The following C12orf42 variants were observed in gnomAD, a reference collection of about 807,000 sequenced individuals.
The protein encoded by C12orf42 is chromosome 12 open reading frame 42.
C12orf42 carries 25 observed loss-of-function variants against 21.6 expected under a neutral mutation model. That is an observed-to-expected ratio of 1.16 (90% CI 0.84 to 1.62). The LOEUF (loss-of-function observed/expected upper bound fraction) is 1.62, where lower values mean the gene tolerates loss of function less well. Among genes scored for constraint, C12orf42 ranks in the 40% most tolerant of loss-of-function variants. The pLI is 0.00. For missense variants in C12orf42, 483 were observed against 459.3 expected (o/e 1.05, Z -0.47); for synonymous variants, 174 against 175.0 (o/e 0.99, Z 0.05).
the C12orf42 span, among the ~76,000 whole-genome samples, chr12:103,104,240 G>A: frequency 3.3e-5 from 5 of 152,020 alleles, no homozygotes; most frequent in Non-Finnish European, 7.4e-5. Context: ...TGGATAAAAC[G>A]CATACACGTA....
At chr12:103,270,793 A>C (rs1462053166) in intron 5 of C12orf42, among the ~76,000 whole-genome samples, 1 of 122,490 alleles carries the variant, frequency 8.2e-6, no homozygotes, top group Non-Finnish European at 1.6e-5. Context: ...TTTTGTTTTT[A>C]ATGATCTAAA....
chr12:103,235,419 A>T (rs192280283), downstream of C12orf42, among the ~76,000 whole-genome samples: 7 of 152,232 alleles, frequency 4.6e-5, no homozygotes, highest in Admixed American at 2.0e-4. Flanking sequence ...CCACATCCCC[A>T]TTATTTCAGA....
the C12orf42 span, among the ~76,000 whole-genome samples, chr12:103,109,722 C>G: frequency 6.6e-6 from 1 of 151,178 alleles, no homozygotes; most frequent in South Asian, 2.1e-4. Flanking sequence ...ATATCTATAT[C>G]AAAATAGACA....
intron 2 of C12orf42, among the ~76,000 whole-genome samples, chr12:103,454,711 T>G (rs1952173757): frequency 6.6e-6 from 1 of 152,166 alleles, no homozygotes; most frequent in African/African-American, 2.4e-5. Flanking sequence ...CATCAAAAAC[T>G]GCCCAGTTGC....
At chr12:103,165,811 G>T in the C12orf42 span, among the ~76,000 whole-genome samples, 2,911 of 152,034 alleles carry the variant, frequency 0.019, 34 homozygotes, top group East Asian at 0.028. Context: ...GGAGGCCGAG[G>T]GGGTAGATCA....
At chr12:103,295,957 G>A (rs2037245097) in intron 4 of C12orf42, among the ~76,000 whole-genome samples, 1 of 151,482 alleles carries the variant, frequency 6.6e-6, no homozygotes, top group East Asian at 1.9e-4. Context: ...TTGGTGTGCT[G>A]CACCCATTAA....
intron 10 of C12orf42, among the ~76,000 whole-genome samples, chr12:103,241,861 A>G (rs1715984951): frequency 6.6e-6 from 1 of 152,186 alleles, no homozygotes; most frequent in Admixed American, 6.6e-5. Context: ...TTTTAAGACT[A>G]TTTAGCCTGT....
intron 5 of C12orf42, among the ~76,000 whole-genome samples, chr12:103,304,395 T>C (rs2038058953): frequency 1.3e-5 from 2 of 152,122 alleles, no homozygotes. Context: ...CAGCTGGTAA[T>C]AAACCCTATG....
the C12orf42 span, among the ~76,000 whole-genome samples, chr12:103,152,761 T>A: frequency 6.6e-6 from 1 of 150,690 alleles, no homozygotes; most frequent in Non-Finnish European, 1.5e-5. Flanking sequence ...ATATTATTTA[T>A]GCTTGCATGA....
chr12:103,505,593 C>A, the C12orf42 span: 1 of 323,974 alleles, frequency 3.1e-6, no homozygotes, highest in South Asian at 2.6e-5. Flanking sequence ...TGGTCTAGCC[C>A]ATGTCTGAGT....
At chr12:103,082,881 G>A in the C12orf42 span, among the ~76,000 whole-genome samples, 1 of 152,164 alleles carries the variant, frequency 6.6e-6, no homozygotes, top group African/African-American at 2.4e-5. Flanking sequence ...CTCTTACTCT[G>A]AATTAGACAC....
chr12:103,224,634 G>C, the C12orf42 span, among the ~76,000 whole-genome samples: 3 of 152,224 alleles, frequency 2.0e-5, no homozygotes, highest in Non-Finnish European at 4.4e-5. Flanking sequence ...AAGGAGCCGG[G>C]GAGCAGAAAG....
chr12:103,519,694 G>A, the C12orf42 span, among the ~76,000 whole-genome samples: 2 of 152,114 alleles, frequency 1.3e-5, no homozygotes, highest in Non-Finnish European at 2.9e-5. Context: ...GCCTATCCAT[G>A]TCATTTTCAT....
At chr12:103,414,699 AG>A (rs2049150504) in intron 2 of C12orf42, among the ~76,000 whole-genome samples, 1 of 152,154 alleles carries the variant, frequency 6.6e-6, no homozygotes, top group African/African-American at 2.4e-5. Flanking sequence ...TCATCCTAGA[AG>A]TTGCTGCTGT....
At chr12:103,140,744 A>T in the C12orf42 span, among the ~76,000 whole-genome samples, 1 of 152,118 alleles carries the variant, frequency 6.6e-6, no homozygotes, top group Non-Finnish European at 1.5e-5. Context: ...AAAAAATGGC[A>T]CCAATAAAGC....
At chr12:103,110,364 T>C in the C12orf42 span, among the ~76,000 whole-genome samples, 3 of 152,230 alleles carry the variant, frequency 2.0e-5, no homozygotes, top group Non-Finnish European at 4.4e-5. Flanking sequence ...ATATTGCTAA[T>C]GGTAACATAT....
At chr12:103,404,027 C>T (rs1034221065) in intron 2 of C12orf42, among the ~76,000 whole-genome samples, 4 of 152,196 alleles carry the variant, frequency 2.6e-5, no homozygotes, top group Admixed American at 1.3e-4. Context: ...ACCATCTATA[C>T]AAAGCAGTCC....
At chr12:103,501,018 G>A in the C12orf42 span, among the ~76,000 whole-genome samples, 1 of 152,210 alleles carries the variant, frequency 6.6e-6, no homozygotes, top group Non-Finnish European at 1.5e-5. Flanking sequence ...CAAAGATGCA[G>A]CTATTCCAAA....
the C12orf42 span, among the ~76,000 whole-genome samples, chr12:103,102,218 G>A: frequency 6.6e-6 from 1 of 152,158 alleles, no homozygotes; most frequent in Non-Finnish European, 1.5e-5. Context: ...AACTCATTAT[G>A]TTCCTAGTAA....
Sources: gnomAD v4.1 joint callset for allele counts (sites outside exome capture counted in the v4.1 genomes callset) on GRCh38, gnomAD v4.1.1 for gene constraint, MANE v1.5 for transcripts, NCBI Gene and HGNC (gene_info 2026-07-23, HGNC 2026-07-21) for gene names.